Variants in SAMSN1 observed in about 807,000 individuals in gnomAD.
SAMSN1 encodes SAM domain-containing protein SAMSN-1.
SAMSN1 carries 31 observed loss-of-function variants against 42.0 expected under a neutral mutation model. The ratio of observed to expected loss-of-function variants is 0.74; its 90% CI spans 0.55 to 1.00. The LOEUF (loss-of-function observed/expected upper bound fraction) is 1.00. SAMSN1 is among the 50% of genes least tolerant of loss of function. The probability of loss-of-function intolerance (pLI) is 0.00; values close to 1 mark genes in which losing one functional copy is unlikely to be tolerated. For missense variants in SAMSN1, 464 were observed against 439.4 expected, an observed-to-expected ratio of 1.06 and a Z score of -0.50; for synonymous variants, 178 against 151.9, an observed-to-expected ratio of 1.17 and a Z score of -1.26.
intron 6 of SAMSN1, among the ~76,000 whole-genome samples, chr21:14,499,836 T>C (rs1272896854): frequency 6.6e-6 from 1 of 152,152 alleles, no homozygotes; most frequent in Non-Finnish European, 1.5e-5. Flanking sequence ...AAAAGTGTAA[T>C]TGGCTATTGT....
intron 2 of SAMSN1, among the ~76,000 whole-genome samples, chr21:14,618,065 A>T (rs1425533304): frequency 6.6e-6 from 1 of 152,204 alleles, no homozygotes; most frequent in Non-Finnish European, 1.5e-5. Flanking sequence ...CCACAAATAG[A>T]GATTGGTTAC....
chr21:14,571,511 C>T (rs1200807027), intron 2 of SAMSN1, among the ~76,000 whole-genome samples: 3 of 152,214 alleles, frequency 2.0e-5, no homozygotes, highest in South Asian at 4.2e-4. Flanking sequence ...TGAATTCAAC[C>T]ACTTGCTTTA....
chr21:14,497,281 A>G (rs902145992), intron 7 of SAMSN1, among the ~76,000 whole-genome samples: 4 of 152,208 alleles, frequency 2.6e-5, no homozygotes, highest in Non-Finnish European at 5.9e-5. Flanking sequence ...TGTTTTAAAA[A>G]TGTAGTTAAT....
intron 4 of SAMSN1, among the ~76,000 whole-genome samples, chr21:14,511,000 G>T (rs919751832): frequency 1.3e-5 from 2 of 152,006 alleles, no homozygotes; most frequent in East Asian, 1.9e-4. Flanking sequence ...TCTTATTTTT[G>T]ATCTTAAACT....
rs1987949613 is a variant in SAMSN1, at chr21:14,516,984, C to T, written c.187G>A (p.Gly63Arg). ...CTCATTTTTTTACCCAAACCGCCTC[C>T]ATTATTTGAAGTTTTACTTTGTTCT... ...SGEQSKTSNN[G>R]GGLGKKMRAI... The change falls in exon 3 of 8, where the codon GGA (glycine) becomes AGA (arginine). Residue 63 changes from glycine (G) to arginine (R), a missense_variant. Physicochemically the swap from Gly to Arg is moderately radical, Grantham distance 125. Coordinates refer to ENST00000400566, the MANE Select transcript of SAMSN1 (RefSeq NM_022136.5). The T allele has an allele frequency of 6.2e-7, 1 of 1,613,334 alleles. No individual in the cohort carries two copies. The highest frequency in any genetic ancestry group is 1.3e-5 in the African/African-American group (1 of 75,014).
intron 2 of SAMSN1, among the ~76,000 whole-genome samples, chr21:14,624,553 T>C (rs1428390352): frequency 2.0e-5 from 3 of 152,080 alleles, no homozygotes; most frequent in African/African-American, 4.8e-5. Context: ...CCTGGACACA[T>C]ACACCCTCCC....
chr21:14,534,301 G>A (rs1371465476), intron 1 of SAMSN1, among the ~76,000 whole-genome samples: 2 of 152,122 alleles, frequency 1.3e-5, no homozygotes, highest in Non-Finnish European at 2.9e-5. Flanking sequence ...CACGGAATCT[G>A]AAAGTCAGGT....
intron 3 of SAMSN1, among the ~76,000 whole-genome samples, chr21:14,615,390 C>T (rs1407136111): frequency 6.6e-6 from 1 of 152,128 alleles, no homozygotes; most frequent in Non-Finnish European, 1.5e-5. Context: ...GAGAACATCA[C>T]ATAATTTACA....
intron 1 of SAMSN1, among the ~76,000 whole-genome samples, chr21:14,534,922 A>C (rs988702404): frequency 6.6e-6 from 1 of 152,178 alleles, no homozygotes; most frequent in African/African-American, 2.4e-5. Flanking sequence ...GACTGACCCT[A>C]ATACACTACC....
chr21:14,505,364 A>G (rs1241782790), intron 5 of SAMSN1, among the ~76,000 whole-genome samples: 1 of 152,202 alleles, frequency 6.6e-6, no homozygotes, highest in East Asian at 1.9e-4. Flanking sequence ...CATCTAACAC[A>G]TAAAGACTCA....
At chr21:14,493,456 A>C (rs1986777902) in intron 7 of SAMSN1, among the ~76,000 whole-genome samples, 1 of 152,142 alleles carries the variant, frequency 6.6e-6, no homozygotes, top group Non-Finnish European at 1.5e-5. Flanking sequence ...GTGAAAAATG[A>C]GGAACAAGTG....
At chr21:14,527,214 T>C (rs1978920535) in intron 1 of SAMSN1, among the ~76,000 whole-genome samples, 1 of 152,218 alleles carries the variant, frequency 6.6e-6, no homozygotes. Flanking sequence ...TATTCTACTA[T>C]AATAAAAGCT....
At chr21:14,613,426 T>G (rs1229680984) in intron 3 of SAMSN1, among the ~76,000 whole-genome samples, 2 of 152,182 alleles carry the variant, frequency 1.3e-5, no homozygotes, top group African/African-American at 4.8e-5. Flanking sequence ...CAAAAAAATA[T>G]GATCATGCTA....
intron 2 of SAMSN1, among the ~76,000 whole-genome samples, chr21:14,629,580 A>G (rs923614755): frequency 3.9e-5 from 6 of 152,176 alleles, no homozygotes; most frequent in African/African-American, 1.2e-4. Flanking sequence ...CCATACAGCT[A>G]GTGAATTCTG....
intron 2 of SAMSN1, among the ~76,000 whole-genome samples, chr21:14,625,908 ATGGTAC>A (rs992914315): frequency 2.0e-5 from 3 of 152,244 alleles, no homozygotes; most frequent in Admixed American, 2.0e-4. Context: ...CCAAAACAGC[ATGGTAC>A]TGGTACTAAA....
At chr21:14,589,705 T>C (rs1982022059) in intron 7 of SAMSN1, among the ~76,000 whole-genome samples, 1 of 152,130 alleles carries the variant, frequency 6.6e-6, no homozygotes, top group Non-Finnish European at 1.5e-5. Flanking sequence ...CTGTCTGAAT[T>C]ATGTTCTCTT....
chr21:14,632,170 C>G (rs1388922378), intron 2 of SAMSN1, among the ~76,000 whole-genome samples: 1 of 151,730 alleles, frequency 6.6e-6, no homozygotes, highest in East Asian at 1.9e-4. Flanking sequence ...GTGGTAGTAG[C>G]TGCTTGATTT....
At chr21:14,576,226 A>G (rs1981457498) in intron 2 of SAMSN1, among the ~76,000 whole-genome samples, 1 of 152,168 alleles carries the variant, frequency 6.6e-6, no homozygotes. Flanking sequence ...AGGATCATTA[A>G]TCAGGGTAGC....
At chr21:14,517,850 T>C (rs1987984311) in intron 2 of SAMSN1, among the ~76,000 whole-genome samples, 1 of 152,156 alleles carries the variant, frequency 6.6e-6, no homozygotes, top group Admixed American at 6.5e-5. Context: ...AGAATCTATA[T>C]GAAATAAAAT....
Sources: gnomAD v4.1 joint callset for allele counts (sites outside exome capture counted in the v4.1 genomes callset) on GRCh38, gnomAD v4.1.1 for gene constraint, MANE v1.5 for transcripts, NCBI Gene and HGNC (gene_info 2026-07-23, HGNC 2026-07-21) for gene names.